Variants in CEMIP observed in about 807,000 individuals in gnomAD.
CEMIP encodes cell migration inducing hyaluronidase 1, also known as cell migration-inducing and hyaluronan-binding protein.
CEMIP carries 105 observed loss-of-function variants against 156.9 expected under a neutral mutation model. The observed-to-expected ratio is 0.67, with a 90% confidence interval of 0.57 to 0.79. CEMIP has a LOEUF of 0.79. Among genes scored for constraint, CEMIP ranks in the 30% least tolerant of loss-of-function variants. The pLI is 0.00. For synonymous variants in CEMIP, 676 were observed against 668.4 expected, an observed-to-expected ratio of 1.01 and a Z score of -0.17; for missense variants, 1,457 against 1,769.4, an observed-to-expected ratio of 0.82 and a Z score of 3.17.
At chr15:80,838,481 C>T (rs962480250) in intron 1 of CEMIP, among the ~76,000 whole-genome samples, 7 of 152,086 alleles carry the variant, frequency 4.6e-5, no homozygotes, top group African/African-American at 1.4e-4. Flanking sequence ...TGCATCATTC[C>T]CTTGGTTCAA....
intron 1 of CEMIP, among the ~76,000 whole-genome samples, chr15:80,861,881 A>C (rs974806671): frequency 9.2e-5 from 14 of 152,260 alleles, no homozygotes; most frequent in Admixed American, 5.2e-4. Flanking sequence ...GTTCTGACTC[A>C]GAGTCTCAAG....
intron 1 of CEMIP, among the ~76,000 whole-genome samples, chr15:80,872,523 A>G (rs964516197): frequency 1.3e-5 from 2 of 151,736 alleles, no homozygotes; most frequent in Admixed American, 1.3e-4. Flanking sequence ...ATAAAATCGA[A>G]GTTTAATAAA....
chr15:80,817,412 C>T (rs1483319980), intron 1 of CEMIP, among the ~76,000 whole-genome samples: 10 of 151,762 alleles, frequency 6.6e-5, no homozygotes, highest in Non-Finnish European at 1.5e-4. Context: ...CTGAGCAACA[C>T]GGCAAAACCC....
At chr15:80,782,215 A>C (rs1305117241) in intron 1 of CEMIP, among the ~76,000 whole-genome samples, 3 of 152,182 alleles carry the variant, frequency 2.0e-5, no homozygotes, top group Non-Finnish European at 2.9e-5. Context: ...AGGTCTTCTA[A>C]GTGGCTTTGT....
intron 13 of CEMIP, among the ~76,000 whole-genome samples, chr15:80,908,730 T>C (rs1308263999): frequency 6.6e-6 from 1 of 152,128 alleles, no homozygotes; most frequent in East Asian, 1.9e-4. Flanking sequence ...TAGGGCATGC[T>C]TTTTGCCAGC....
chr15:80,862,143 G>A (rs772496120), intron 1 of CEMIP, among the ~76,000 whole-genome samples: 1 of 152,174 alleles, frequency 6.6e-6, no homozygotes, highest in Non-Finnish European at 1.5e-5. Context: ...GTTGGGACTC[G>A]GGTCAACTTG....
At chr15:80,892,223 G>A (rs1236819752) in intron 10 of CEMIP, among the ~76,000 whole-genome samples, 1 of 152,166 alleles carries the variant, frequency 6.6e-6, no homozygotes, top group Non-Finnish European at 1.5e-5. Context: ...CTCTGGGCCA[G>A]GGAGTGTCAA....
chr15:80,945,864 C>T (rs1030404779), intron 28 of CEMIP, among the ~76,000 whole-genome samples: 2 of 152,228 alleles, frequency 1.3e-5, no homozygotes, highest in Non-Finnish European at 2.9e-5. Context: ...ATTTTCCCAG[C>T]ACTTTGGACT....
At chr15:80,916,799 AC>A (rs1384407550) in intron 14 of CEMIP, among the ~76,000 whole-genome samples, 14 of 151,940 alleles carry the variant, frequency 9.2e-5, no homozygotes, top group Admixed American at 3.3e-4. Context: ...TGTGTCTTCT[AC>A]CCCCACCCGA....
At chr15:80,891,769 C>T (rs556716069) in intron 10 of CEMIP, among the ~76,000 whole-genome samples, 7 of 152,334 alleles carry the variant, frequency 4.6e-5, no homozygotes, top group East Asian at 3.9e-4. Context: ...TCCTAATTCT[C>T]GCCACCAATC....
In CEMIP at chr15:80,948,834, G is replaced by A. The variant is rs1901686095; in HGVS notation, c.3996G>A (p.Arg1332=). 2 of 1,614,094 alleles carry A rather than the reference G, an allele frequency of 1.2e-6. No individual in the cohort carries two copies. Among genetic ancestry groups the A allele is most frequent in the Non-Finnish European group, 1.7e-6 (2 of 1,180,050 alleles). Residue 1332 remains arginine (R), a synonymous_variant, in exon 30 of 30, where the codon CGG becomes CGA. Transcript: ENST00000394685. The stretch of plus-strand genomic sequence containing the variant: ...TCGTTGGCTTCAAAGGCAGCTTCCG[G>A]CCCATCTGGGTGACACTGGACACTG... ...MAFVGFKGSF[R]PIWVTLDTED...
In CEMIP at chr15:80,951,699, C is replaced by A. The variant is rs113726109; in HGVS notation, c.*2775C>A. 6.5e-6 allele frequency: 1 copy of A among 152,986 alleles called. No individual in the cohort carries two copies. 9.5% of individuals were successfully genotyped at this position (152,986 alleles called of 1,614,324 possible). On this transcript the variant is annotated 3_prime_UTR_variant, in exon 30 of 30. Transcript: ENST00000394685. ...CTTTGCATTGCTTGGAAGGGGTGTACCTAGAGCCAAGGAAATTGGCTCTGG... is the reference window on the plus strand; with the variant it reads ...CTTTGCATTGCTTGGAAGGGGTGTAACTAGAGCCAAGGAAATTGGCTCTGG...
At chr15:80,862,258 T>C (rs1385781860) in intron 1 of CEMIP, among the ~76,000 whole-genome samples, 1 of 152,204 alleles carries the variant, frequency 6.6e-6, no homozygotes, top group Non-Finnish European at 1.5e-5. Context: ...TGGTGGAATT[T>C]AAACTGTCTT....
chr15:80,843,313 T>C (rs1897470559), intron 1 of CEMIP, among the ~76,000 whole-genome samples: 2 of 152,236 alleles, frequency 1.3e-5, no homozygotes, highest in South Asian at 4.1e-4. Flanking sequence ...CCATTTCATG[T>C]ATTTATTCAA....
At chr15:80,801,511 C>T (rs1169303300) in intron 1 of CEMIP, among the ~76,000 whole-genome samples, 1 of 152,196 alleles carries the variant, frequency 6.6e-6, no homozygotes, top group East Asian at 1.9e-4. Context: ...GATCTCAAAA[C>T]CCAATGGCAC....
Position 80,932,459 on chromosome 15 carries a change from C to G in CEMIP, c.2793+420C>G, listed in dbSNP as rs1035631873. Among the ~76,000 whole-genome samples, 1 of 152,150 alleles carries G rather than the reference C, an allele frequency of 6.6e-6. No homozygotes were observed. The highest frequency in any genetic ancestry group is 1.5e-5 in the Non-Finnish European group (1 of 68,032). ...GATGATGTTCTGTTTAATCTCTCCC[C>G]GAGAGCAGACTATAAACAGAGGCCT... On this transcript the variant is annotated intron_variant, in intron 22 of 29. Transcript: ENST00000394685. The surrounding 1 kb of genome is among the most constrained non-coding windows in gnomAD (Gnocchi z 4.5).
intron 1 of CEMIP, among the ~76,000 whole-genome samples, chr15:80,812,855 C>T (rs948130090): frequency 1.1e-4 from 16 of 152,144 alleles, no homozygotes; most frequent in Admixed American, 1.0e-3. Flanking sequence ...GGGCAATAAT[C>T]ACATGTACTT....
intron 12 of CEMIP, among the ~76,000 whole-genome samples, chr15:80,905,933 G>T (rs1249123513): frequency 6.6e-6 from 1 of 152,148 alleles, no homozygotes; most frequent in Non-Finnish European, 1.5e-5. Flanking sequence ...GCTCCACGTG[G>T]TACCATGGAG....
In CEMIP at chr15:80,929,261, T is replaced by C. The variant is rs142239426; in HGVS notation, c.2612+87T>C. 2,333 of 1,490,844 alleles carry C rather than the reference T, an allele frequency of 1.6e-3. 43 individuals carry two copies. In the African/African-American group the frequency reaches 0.027, roughly 17 times the overall value. 92.4% of individuals were successfully genotyped at this position (1,490,844 alleles called of 1,614,324 possible). A position where few individuals can be genotyped will look rare whatever the true frequency, so the allele number is the denominator to read the frequency against. ...AGGGAAAAAGTTAATGGGTAGTTTCTACCTGTTGACTATGAATTCTTCTAC... is the reference window on the plus strand; with the variant it reads ...AGGGAAAAAGTTAATGGGTAGTTTCCACCTGTTGACTATGAATTCTTCTAC... On this transcript the variant is annotated intron_variant, in intron 21 of 29. Coordinates refer to ENST00000394685, the MANE Select transcript of CEMIP (RefSeq NM_001293298.2).
Sources: gnomAD v4.1 joint callset for allele counts (sites outside exome capture counted in the v4.1 genomes callset) on GRCh38, gnomAD v4.1.1 for gene constraint, Gnocchi (gnomAD v3.1) non-coding constraint, MANE v1.5 for transcripts, NCBI Gene and HGNC (gene_info 2026-07-23, HGNC 2026-07-21) for gene names.